DMD: variants seen among roughly 807,000 people sequenced by gnomAD.
DMD encodes the protein dystrophin.
Under a neutral mutation model 330.1 loss-of-function variants are expected in DMD, and 63 were observed. The ratio of observed to expected loss-of-function variants is 0.19; its 90% confidence interval spans 0.16 to 0.24. The LOEUF (loss-of-function observed/expected upper bound fraction) is 0.24, where lower values mean the gene tolerates loss of function less well. DMD is among the 10% of genes least tolerant of loss of function. DMD has a pLI of 1.00. For missense variants in DMD, 3,344 were observed against 2,684.1 expected (o/e 1.25, Z -5.43); for synonymous variants, 1,223 against 959.8 (o/e 1.27, Z -5.07).
chrX:31,793,082 G>A (rs751938653), intron 50 of DMD, among the ~76,000 whole-genome samples: 153 of 111,071 alleles, frequency 1.4e-3, no homozygotes, highest in African/African-American at 4.8e-3. Context: ...AAGTCCAGCC[G>A]GATTCTTCTC....
chrX:31,556,191 C>T (rs755511337), intron 55 of DMD, among the ~76,000 whole-genome samples: 1 of 108,947 alleles, frequency 9.2e-6, no homozygotes, highest in Non-Finnish European at 1.9e-5. Flanking sequence ...CAAGGAGAAA[C>T]CCCATCTCTA....
At chrX:32,297,373 A>G (rs1020489850) in intron 42 of DMD, among the ~76,000 whole-genome samples, 2 of 109,576 alleles carry the variant, frequency 1.8e-5, no homozygotes, top group Admixed American at 2.0e-4. Flanking sequence ...TCCCAGGTTC[A>G]AGCAATTCTC....
chrX:32,191,860 T>G (rs1228063434), intron 44 of DMD, among the ~76,000 whole-genome samples: 1 of 111,785 alleles, frequency 8.9e-6, no homozygotes. Flanking sequence ...AGGTAGGCAT[T>G]CATTGTTTTT....
intron 1 of DMD, among the ~76,000 whole-genome samples, chrX:33,190,926 TATTA>T (rs1206778052): frequency 0.064 from 76 of 1,195 alleles, 16 homozygotes; most frequent in South Asian, 0.083. Context: ...ATATATATAA[TATTA>T]TATATATATA....
At chrX:32,877,963 C>T (rs1291287036) in intron 2 of DMD, among the ~76,000 whole-genome samples, 4 of 112,232 alleles carry the variant, frequency 3.6e-5, no homozygotes, top group African/African-American at 1.3e-4. Context: ...GAGAACATTT[C>T]CTTAATTAAA....
chrX:31,823,839 G>A (rs374795217), intron 49 of DMD, among the ~76,000 whole-genome samples: 11 of 111,372 alleles, frequency 9.9e-5, no homozygotes, highest in Non-Finnish European at 1.1e-4. Context: ...CTCCCAAAGC[G>A]CTGGAATTAC....
At chrX:32,504,466 A>C (rs1457518624) in intron 18 of DMD, among the ~76,000 whole-genome samples, 3 of 110,082 alleles carry the variant, frequency 2.7e-5, no homozygotes, top group African/African-American at 9.9e-5. Flanking sequence ...TCTACTAAAA[A>C]TACAAACATA....
chrX:33,280,268 G>A (rs1459077899), intron 1 of DMD, among the ~76,000 whole-genome samples: 1 of 111,878 alleles, frequency 8.9e-6, no homozygotes, highest in African/African-American at 3.2e-5. Flanking sequence ...ACAGGCACGA[G>A]CCACCACGCC....
chrX:32,825,358 C>T (rs968169931), intron 4 of DMD, among the ~76,000 whole-genome samples: 1 of 110,721 alleles, frequency 9.0e-6, no homozygotes, highest in Non-Finnish European at 1.9e-5. Context: ...TTTCCTTGTC[C>T]TCATAAAAGG....
intron 2 of DMD, among the ~76,000 whole-genome samples, chrX:33,009,952 ATGTGTATATACACATATGTGTG>A (rs2093628213): frequency 2.7e-5 from 2 of 75,245 alleles, no homozygotes; most frequent in South Asian, 6.7e-4. Flanking sequence ...ACACGTGTGT[ATGTGTATATACACATATGTGTG>A]TATACACATG....
intron 34 of DMD, among the ~76,000 whole-genome samples, chrX:32,373,516 T>C (rs1375788217): frequency 7.2e-5 from 8 of 111,683 alleles, no homozygotes; most frequent in African/African-American, 2.6e-4. Flanking sequence ...TAAACAAATA[T>C]AAATTGATAC....
chrX:32,964,255 C>CAAAAAAAA (rs781702491), intron 2 of DMD, among the ~76,000 whole-genome samples: 1 of 35,188 alleles, frequency 2.8e-5, no homozygotes, highest in African/African-American at 1.1e-4. Context: ...GACTCCATCT[C>CAAAAAAAA]AAAAAAAAAA....
At chrX:31,600,153 A>G (rs2077277729) in intron 55 of DMD, among the ~76,000 whole-genome samples, 1 of 111,637 alleles carries the variant, frequency 9.0e-6, no homozygotes, top group Non-Finnish European at 1.9e-5. Context: ...GGCTGATCTC[A>G]AACTCCTGGA....
intron 63 of DMD, among the ~76,000 whole-genome samples, chrX:31,258,904 C>T (rs1463632502): frequency 1.9e-5 from 2 of 106,233 alleles, no homozygotes; most frequent in African/African-American, 7.0e-5. Context: ...GAATACTATA[C>T]AACAAAATGG....
At chrX:32,749,093 T>C (rs765295320) in intron 7 of DMD, among the ~76,000 whole-genome samples, 43 of 112,080 alleles carry the variant, frequency 3.8e-4, no homozygotes, top group Non-Finnish European at 7.1e-4. Context: ...TTATATGCTA[T>C]GGCACGATTT....
chrX:32,430,093 T>C (rs968617895), intron 29 of DMD, among the ~76,000 whole-genome samples: 52 of 111,502 alleles, frequency 4.7e-4, no homozygotes, highest in Non-Finnish European at 8.1e-4. Flanking sequence ...AATTCTAGGT[T>C]GACGGTAATT....
intron 60 of DMD, among the ~76,000 whole-genome samples, chrX:31,373,204 T>C (rs1178972843): frequency 2.8e-5 from 3 of 106,079 alleles, no homozygotes; most frequent in Admixed American, 2.0e-4. Context: ...TCCATGCTCA[T>C]GGGTAGGAAG....
In DMD at chrX:32,895,494, T is replaced by C. The variant is rs765212907; in HGVS notation, c.94-45674A>G. 2.7e-5 allele frequency among the ~76,000 whole-genome samples: 3 copies of C among 111,592 alleles called. No individual in the cohort carries two copies. In the South Asian group the frequency reaches 1.1e-3, roughly 42 times the overall value. ...GTGGGTTTGCGGGTTACTGTGCTAA[T>C]CCACACCTGGAGTTTTGGGCGTCAA... On this transcript the variant is annotated intron_variant, in intron 2 of 78. Transcript: ENST00000357033.
chrX:31,354,937 C>T (rs900768462), intron 60 of DMD, among the ~76,000 whole-genome samples: 3 of 111,470 alleles, frequency 2.7e-5, no homozygotes, highest in Non-Finnish European at 5.7e-5. Context: ...TGAATGAGCA[C>T]CAAATCATCC....
Sources: allele counts gnomAD v4.1 joint callset (sites outside exome capture counted in the v4.1 genomes callset), GRCh38; gene constraint gnomAD v4.1.1; transcripts MANE v1.5; gene names NCBI Gene and HGNC (gene_info 2026-07-23, HGNC 2026-07-21).